The following RHEX variants were observed in gnomAD, a reference collection of about 807,000 sequenced individuals.
RHEX encodes the protein regulator of hemoglobinization and erythroid cell expansion, also known as regulator of hemoglobinization and erythroid cell expansion protein.
In RHEX, 18 loss-of-function variants were observed where a neutral mutation model predicts 20.1. The ratio of observed to expected loss-of-function variants is 0.90; its 90% confidence interval spans 0.62 to 1.33. RHEX has a LOEUF of 1.33. Among genes scored for constraint, RHEX ranks in the 40% most tolerant of loss-of-function variants. RHEX has a pLI of 0.00. For missense variants in RHEX, 192 were observed against 214.3 expected, an observed-to-expected ratio of 0.90 and a Z score of 0.65; for synonymous variants, 87 against 77.1, an observed-to-expected ratio of 1.13 and a Z score of -0.67.
At chr1:206,071,852 A>G (rs1553284692) in intron 1 of RHEX, among the ~76,000 whole-genome samples, 1 of 150,380 alleles carries the variant, frequency 6.6e-6, no homozygotes, top group Admixed American at 6.6e-5. Flanking sequence ...CCCCCTGTCC[A>G]ACAACTCAAA....
intron 1 of RHEX, among the ~76,000 whole-genome samples, chr1:206,089,897 A>G (rs1441935378): frequency 6.6e-6 from 1 of 152,130 alleles, no homozygotes; most frequent in Non-Finnish European, 1.5e-5. Flanking sequence ...AAATATAGTA[A>G]TATTCAATCC....
intron 1 of RHEX, among the ~76,000 whole-genome samples, chr1:206,074,184 T>C (rs1303468420): frequency 2.0e-5 from 3 of 152,216 alleles, no homozygotes; most frequent in African/African-American, 7.2e-5. Context: ...GATAGGACCC[T>C]CTGCTGTATG....
chr1:206,097,891 G>A (rs1663108019), intron 2 of RHEX, 52 bp downstream of exon 2: 3 of 1,384,338 alleles, frequency 2.2e-6, no homozygotes, highest in African/African-American at 1.4e-5. Context: ...GCTAACTGGT[G>A]TAGCTGTCTT....
intron 4 of RHEX, among the ~76,000 whole-genome samples, 191 bp from the exon 5 acceptor site, chr1:206,100,945 T>C (rs1553288300): frequency 6.6e-6 from 1 of 152,170 alleles, no homozygotes; most frequent in Non-Finnish European, 1.5e-5. Flanking sequence ...CCCCCTACTC[T>C]TCCCCTATTC....
Position 206,102,021 on chromosome 1 carries a change from T to C in RHEX, c.*69T>C, listed in dbSNP as rs1039187039. On this transcript the variant is annotated 3_prime_UTR_variant, in exon 6 of 6. Transcript: ENST00000331555. ...ACATTTAATTTGTAGGGAAATGCCA[T>C]TTTTCCCCCTTAAACAAGGCATGGG... 7 of 1,278,966 alleles carry C rather than the reference T, an allele frequency of 5.5e-6. No individual in the cohort carries two copies. Among genetic ancestry groups the C allele is most frequent in the Non-Finnish European group, 7.9e-6 (7 of 884,896 alleles). 79.2% of individuals were successfully genotyped at this position (1,278,966 alleles called of 1,614,324 possible).
intron 1 of RHEX, among the ~76,000 whole-genome samples, chr1:206,093,135 C>T (rs782025448): frequency 5.9e-5 from 9 of 152,150 alleles, no homozygotes; most frequent in Non-Finnish European, 1.3e-4. Flanking sequence ...GTTCTCTTTC[C>T]ATTATACCTT....
chr1:206,064,206 G>T (rs1290144915), intron 1 of RHEX, among the ~76,000 whole-genome samples: 1 of 143,632 alleles, frequency 7.0e-6, no homozygotes, highest in Middle Eastern at 3.6e-3. Flanking sequence ...CAGCCGCCCC[G>T]TCTGGGAAGT....
At chr1:206,083,485 C>T (rs1311689738) in intron 1 of RHEX, 1 of 985,320 alleles carries the variant, frequency 1.0e-6, no homozygotes, top group Non-Finnish European at 1.2e-6. Flanking sequence ...TTGCTATCTT[C>T]TGAGTGGCAG....
intron 1 of RHEX, among the ~76,000 whole-genome samples, chr1:206,075,419 A>G (rs1235161252): frequency 6.6e-6 from 1 of 152,196 alleles, no homozygotes; most frequent in Non-Finnish European, 1.5e-5. Context: ...CAGATCTATG[A>G]TGATGGACTG....
At chr1:206,085,369 T>C (rs920628349) in intron 1 of RHEX, among the ~76,000 whole-genome samples, 1 of 152,260 alleles carries the variant, frequency 6.6e-6, no homozygotes, top group African/African-American at 2.4e-5. Context: ...CTGTAGAAGG[T>C]GCCTAGTTTC....
At chr1:206,064,211 G>A (rs1344207709) in intron 1 of RHEX, among the ~76,000 whole-genome samples, 2 of 146,760 alleles carry the variant, frequency 1.4e-5, no homozygotes, top group African/African-American at 5.2e-5. Context: ...GCCCCGTCTG[G>A]GAAGTGAGGA....
chr1:206,080,864 A>G (rs28368464), intron 1 of RHEX, among the ~76,000 whole-genome samples: 30,309 of 152,000 alleles, frequency 0.2, 4,586 homozygotes, highest in African/African-American at 0.42. Context: ...GTGCAGTGGC[A>G]TGATCATGGC....
chr1:206,100,697 A>G (rs1259358594), intron 4 of RHEX, among the ~76,000 whole-genome samples: 2 of 152,168 alleles, frequency 1.3e-5, no homozygotes, highest in Non-Finnish European at 2.9e-5. Context: ...AAGAGATGTG[A>G]TCTGCCTAGA....
intron 1 of RHEX, 86 bp from the exon 2 acceptor site, chr1:206,097,647 C>A (rs1663100235): frequency 2.6e-6 from 2 of 757,846 alleles, no homozygotes; most frequent in Non-Finnish European, 4.4e-6. Context: ...GCATGTGTCA[C>A]AATTGATCCT....
At position 206,063,654 on chromosome 1, in the gene RHEX, G is replaced by A. The variant is rs71418223; in HGVS notation, c.-97+10389G>A. Among the ~76,000 whole-genome samples, 22 of 152,350 alleles carry A rather than the reference G, an allele frequency of 1.4e-4. No homozygotes were observed. The East Asian group carries it at 4.1e-3, about 28-fold the overall frequency. ...AGTCATCCGCCAGCCTCGGCCTCCC[G>A]AGGTGCCGGGATTGCAGACGGAGTC... On this transcript the variant is annotated intron_variant, in intron 1 of 5. Transcript: ENST00000331555.
chr1:206,064,261 G>C (rs1168302855), intron 1 of RHEX, among the ~76,000 whole-genome samples: 5 of 136,632 alleles, frequency 3.7e-5, no homozygotes, highest in Non-Finnish European at 8.0e-5. Flanking sequence ...GGAGGGAGGT[G>C]GGGGGGGTCA....
chr1:206,078,950 A>G (rs1553285519), intron 1 of RHEX, among the ~76,000 whole-genome samples: 2 of 152,222 alleles, frequency 1.3e-5, no homozygotes, highest in Admixed American at 6.5e-5. Context: ...AATATTGCAT[A>G]AAGCAAATGG....
intron 1 of RHEX, among the ~76,000 whole-genome samples, chr1:206,096,967 G>A (rs782596817): frequency 1.1e-4 from 16 of 151,854 alleles, no homozygotes; most frequent in Non-Finnish European, 2.2e-4. Flanking sequence ...TAAAGACGAG[G>A]TTTCGCCATA....
At chr1:206,063,946 G>C (rs1258704425) in intron 1 of RHEX, among the ~76,000 whole-genome samples, 1 of 150,546 alleles carries the variant, frequency 6.6e-6, no homozygotes, top group African/African-American at 2.4e-5. Context: ...TGGGAAGTGA[G>C]GAGCGCCTCT....
Sources: allele counts gnomAD v4.1 joint callset (sites outside exome capture counted in the v4.1 genomes callset), GRCh38; gene constraint gnomAD v4.1.1; transcripts MANE v1.5; gene names NCBI Gene and HGNC (gene_info 2026-07-23, HGNC 2026-07-21).